ATP8A2: variants seen among roughly 807,000 people sequenced by gnomAD.
ATP8A2 encodes ATPase phospholipid transporting 8A2.
A neutral mutation model predicts 165.6 loss-of-function variants in ATP8A2; 100 were observed. The ratio of observed to expected loss-of-function variants is 0.60; its 90% CI spans 0.51 to 0.71. The LOEUF (loss-of-function observed/expected upper bound fraction) is 0.71, where lower values mean the gene tolerates loss of function less well. ATP8A2 is among the 30% of genes least tolerant of loss of function. The probability of loss-of-function intolerance (pLI) is 0.00; values close to 1 mark genes in which losing one functional copy is unlikely to be tolerated. For missense variants in ATP8A2, 1,227 were observed against 1,479.5 expected, an observed-to-expected ratio of 0.83 and a Z score of 2.80; for synonymous variants, 543 against 548.8, an observed-to-expected ratio of 0.99 and a Z score of 0.15.
chr13:25,876,603 A>G (rs1408389443), intron 33 of ATP8A2, among the ~76,000 whole-genome samples: 50 of 152,212 alleles, frequency 3.3e-4, no homozygotes, highest in Non-Finnish European at 4.4e-5. Flanking sequence ...CTGACCATGA[A>G]AAAAGATCCT....
At chr13:25,440,863 C>T (rs143518719) in intron 1 of ATP8A2, among the ~76,000 whole-genome samples, 127 of 152,194 alleles carry the variant, frequency 8.3e-4, no homozygotes, top group African/African-American at 2.8e-3. Context: ...TAAATGTTAG[C>T]CAGATATATT....
intron 1 of ATP8A2, among the ~76,000 whole-genome samples, chr13:25,430,300 A>G (rs1265460370): frequency 6.6e-6 from 1 of 151,946 alleles, no homozygotes; most frequent in African/African-American, 2.4e-5. Flanking sequence ...AGGGATGGAC[A>G]TGGGGGGGCC....
At chr13:25,558,700 T>A (rs2039054364) in intron 13 of ATP8A2, among the ~76,000 whole-genome samples, 1 of 152,186 alleles carries the variant, frequency 6.6e-6, no homozygotes, top group Non-Finnish European at 1.5e-5. Flanking sequence ...TGATGGTGCA[T>A]ATCATTCAGT....
intron 27 of ATP8A2, among the ~76,000 whole-genome samples, chr13:25,803,532 C>A (rs1021522131): frequency 1.3e-5 from 2 of 152,082 alleles, no homozygotes; most frequent in African/African-American, 4.8e-5. Flanking sequence ...ACTTTATTTA[C>A]CTCCAGCCAT....
chr13:25,837,668 T>C (rs1951652474), intron 29 of ATP8A2, among the ~76,000 whole-genome samples: 2 of 152,062 alleles, frequency 1.3e-5, no homozygotes, highest in African/African-American at 4.8e-5. Flanking sequence ...TGCAGCCCCA[T>C]GTGGAGGCCT....
intron 16 of ATP8A2, among the ~76,000 whole-genome samples, chr13:25,564,551 G>A (rs1231543496): frequency 6.6e-6 from 1 of 152,134 alleles, no homozygotes; most frequent in Non-Finnish European, 1.5e-5. Context: ...TTAAATTGGC[G>A]AGTAGTTACC....
At chr13:25,406,530 T>C (rs2033806497) in intron 1 of ATP8A2, among the ~76,000 whole-genome samples, 2 of 152,194 alleles carry the variant, frequency 1.3e-5, no homozygotes, top group South Asian at 4.1e-4. Context: ...CTCATAGGAC[T>C]ATGCATACAC....
At chr13:25,642,402 A>C (rs2041550763) in intron 24 of ATP8A2, among the ~76,000 whole-genome samples, 2 of 152,228 alleles carry the variant, frequency 1.3e-5, no homozygotes. Flanking sequence ...ACAAATTTAC[A>C]AGAAAAAAAC....
intron 33 of ATP8A2, among the ~76,000 whole-genome samples, chr13:25,921,280 A>G (rs928223489): frequency 6.6e-6 from 1 of 151,906 alleles, no homozygotes; most frequent in Non-Finnish European, 1.5e-5. Flanking sequence ...CATATCATGG[A>G]CTCTTTTTCC....
intron 4 of ATP8A2, among the ~76,000 whole-genome samples, chr13:25,531,030 C>T (rs1397631658): frequency 6.6e-6 from 1 of 151,664 alleles, no homozygotes; most frequent in Non-Finnish European, 1.5e-5. Context: ...AGAATCTTCT[C>T]CCCTCACAAT....
intron 34 of ATP8A2, among the ~76,000 whole-genome samples, chr13:25,962,016 C>T (rs1246351734): frequency 6.6e-6 from 1 of 151,980 alleles, no homozygotes; most frequent in Admixed American, 6.6e-5. Flanking sequence ...CAGAGCAAGA[C>T]CCTGTCTTTA....
At chr13:25,412,232 G>A (rs373341490) in intron 1 of ATP8A2, among the ~76,000 whole-genome samples, 2 of 152,174 alleles carry the variant, frequency 1.3e-5, no homozygotes, top group East Asian at 1.9e-4. Context: ...AGAGGCAGAA[G>A]TACCAGGGAG....
At chr13:26,009,228 T>C (rs1037905447) in intron 35 of ATP8A2, among the ~76,000 whole-genome samples, 1 of 152,172 alleles carries the variant, frequency 6.6e-6, no homozygotes, top group African/African-American at 2.4e-5. Flanking sequence ...CACATAAATA[T>C]GTGAAAGTTA....
rs146601307 is a variant in ATP8A2 at position 25,383,427 on chromosome 13, G to T, written c.76+11139G>T. 3.5e-3 allele frequency among the ~76,000 whole-genome samples: 537 copies of T among 152,256 alleles called. 5 individuals carry two copies. Among genetic ancestry groups the T allele is most frequent in the African/African-American group, 0.011 (467 of 41,544 alleles). On this transcript the variant is annotated intron_variant, in intron 1 of 36. Transcript: ENST00000381655. ...TTTAATTGGGTTGTTTGTTTTCCTA[G>T]TTTTGAGTTTGAAGAGTTCTTTGTA...
At chr13:25,850,161 C>A (rs1951969745) in intron 30 of ATP8A2, among the ~76,000 whole-genome samples, 1 of 152,190 alleles carries the variant, frequency 6.6e-6, no homozygotes, top group Non-Finnish European at 1.5e-5. Context: ...ATGCCAGCCC[C>A]ACTGATGCGA....
rs529553119 is a variant in ATP8A2, at chr13:25,599,069, T to G, written c.2211+9370T>G. Among the ~76,000 whole-genome samples the G allele has an allele frequency of 3.0e-4, 46 of 152,292 alleles. No homozygotes were observed. In the East Asian group the frequency reaches 6.9e-3, roughly 23 times the overall value. Reference sequence around the variant, plus strand: ...TATCTTACAGCACTGATAGTTGTTCTTTTTTCATATATATGAGAAAAAATA... The same window carrying G: ...TATCTTACAGCACTGATAGTTGTTCGTTTTTCATATATATGAGAAAAAATA... On this transcript the variant is annotated intron_variant, in intron 24 of 36. Coordinates refer to ENST00000381655, the MANE Select transcript of ATP8A2 (RefSeq NM_016529.6).
At chr13:25,999,594 G>T (rs990436971) in intron 35 of ATP8A2, among the ~76,000 whole-genome samples, 4 of 152,100 alleles carry the variant, frequency 2.6e-5, no homozygotes, top group African/African-American at 9.7e-5. Context: ...ATCTCTGTAA[G>T]GGCATCATCA....
At chr13:25,724,480 T>C (rs572829198) in intron 25 of ATP8A2, among the ~76,000 whole-genome samples, 1 of 152,340 alleles carries the variant, frequency 6.6e-6, no homozygotes, top group Admixed American at 6.5e-5. Context: ...AATTGATAGC[T>C]CAAGGCACTG....
chr13:25,946,217 A>G (rs1955205181), intron 33 of ATP8A2, among the ~76,000 whole-genome samples: 1 of 152,134 alleles, frequency 6.6e-6, no homozygotes, highest in South Asian at 2.1e-4. Flanking sequence ...TGCTGAGACC[A>G]TCCCTGTGAG....
Sources: allele counts gnomAD v4.1 joint callset (sites outside exome capture counted in the v4.1 genomes callset), GRCh38; gene constraint gnomAD v4.1.1; transcripts MANE v1.5; gene names NCBI Gene and HGNC (gene_info 2026-07-23, HGNC 2026-07-21).